ZNF41: variants seen among roughly 807,000 people sequenced by gnomAD.
ZNF41 encodes zinc finger protein 41.
Under a neutral mutation model 9.3 loss-of-function variants are expected in ZNF41, and 6 were observed. The observed-to-expected ratio is 0.65, with a 90% confidence interval of 0.35 to 1.28. The LOEUF (loss-of-function observed/expected upper bound fraction) is 1.28. Among genes scored for constraint, ZNF41 ranks in the 50% most tolerant of loss-of-function variants. The pLI, the probability that ZNF41 is intolerant of heterozygous loss-of-function variation, is 0.03. For missense variants in ZNF41, 523 were observed against 585.8 expected (o/e 0.89, Z 1.11); for synonymous variants, 192 against 207.1 (o/e 0.93, Z 0.63).
Position 47,447,475 on chromosome X carries a change from G to A in ZNF41, c.2295C>T (p.His765=), listed in dbSNP as rs1262073163. 2 of 1,209,513 alleles carry A rather than the reference G, an allele frequency of 1.7e-6. No homozygotes were observed. Among genetic ancestry groups the A allele is most frequent in the African/African-American group, 1.7e-5 (1 of 57,145 alleles). The change falls in exon 5 of 5, where the codon CAC becomes CAT. Residue 765 remains histidine (H), a synonymous_variant. Transcript: ENST00000684689. ...AFTDRSNLIK[H]QKMHSGEKRY... is the part of the protein sequence containing the mutation. ...GTTTTTCTCCACTATGCATTTTCTG[G>A]TGTTTAATGAGATTCGATCTGTCAG...
At chrX:47,476,118 C>T (rs1425177003) in intron 1 of ZNF41, among the ~76,000 whole-genome samples, 3 of 110,865 alleles carry the variant, frequency 2.7e-5, no homozygotes, top group African/African-American at 9.8e-5. Context: ...TTTGGGAGGT[C>T]GAGGCAGGCG....
At chrX:47,460,128 G>A (rs987533555) in intron 2 of ZNF41, among the ~76,000 whole-genome samples, 15 of 110,994 alleles carry the variant, frequency 1.4e-4, no homozygotes, top group African/African-American at 4.9e-4. Context: ...TAGCTGAGTG[G>A]GGTGGCAAGC....
chrX:47,456,376 AC>A lies in ZNF41; in HGVS notation c.94del (p.Val32Ter). 1 of 1,211,608 alleles carries A rather than the reference AC, an allele frequency of 8.3e-7. No homozygotes were observed. The highest frequency in any genetic ancestry group is 1.1e-6 in the Non-Finnish European group (1 of 895,425). ...SCEASVSFED[V>X]TVDFSKEEWQ... ...CTCCTCCTTGCTGAAGTCCACAGTC[AC>A]GTCCTCAAATGACACTGAAGCCTGT... On this transcript the variant is annotated frameshift_variant, in exon 3 of 5. Coordinates refer to ENST00000684689, the MANE Select transcript of ZNF41 (RefSeq NM_001324144.2). LOFTEE classifies it high-confidence loss of function.
chrX:47,447,702 G>A lies in ZNF41; in HGVS notation c.2068C>T (p.Pro690Ser). 2.5e-6 allele frequency: 3 copies of A among 1,211,507 alleles called. No individual in the cohort carries two copies. The Admixed American group carries it at 6.5e-5, about 26-fold the overall frequency. Residue 690 changes from proline (P) to serine (S), a missense_variant, in exon 5 of 5, where the codon CCC becomes TCC. Coordinates refer to ENST00000684689, the MANE Select transcript of ZNF41 (RefSeq NM_001324144.2). Reference sequence around the variant, plus strand: ...TTCCCGCAGTCACCACATTCATAGGGTTTCTCCCTAGTGTGGATTTTCTGA... The same window carrying A: ...TTCCCGCAGTCACCACATTCATAGGATTTCTCCCTAGTGTGGATTTTCTGA... ...THQKIHTREKPYECGDCGKTF... is the reference protein window; with the variant it reads ...THQKIHTREKSYECGDCGKTF...
rs1415320671 is a variant in ZNF41, at chrX:47,448,557, G to T, written c.1213C>A (p.His405Asn). The T allele has an allele frequency of 1.7e-6, 2 of 1,211,873 alleles. No individual in the cohort carries two copies. The highest frequency in any genetic ancestry group is 2.2e-6 in the Non-Finnish European group (2 of 895,595). ...CATTCATAGTGTTTCTCTCCGGTAT[G>T]AGTTTTCTGATGTATACTGAGGTCT... The part of the protein sequence containing the change: ...NSDLSIHQKT[H>N]TGEKHYECNE... Residue 405 changes from histidine to asparagine, a missense_variant, in exon 5 of 5, where the codon CAT becomes AAT. His to Asn is a moderately conservative substitution (Grantham distance 68). Coordinates refer to ENST00000684689, the MANE Select transcript of ZNF41 (RefSeq NM_001324144.2).
chrX:47,460,031 T>C (rs1247509392), intron 2 of ZNF41, among the ~76,000 whole-genome samples: 3 of 110,904 alleles, frequency 2.7e-5, no homozygotes, highest in Non-Finnish European at 5.7e-5. Context: ...GGAGGATTGC[T>C]TGAGTCCAGG....
intron 2 of ZNF41, among the ~76,000 whole-genome samples, chrX:47,461,462 G>C (rs1295598706): frequency 4.6e-5 from 5 of 108,814 alleles, no homozygotes; most frequent in Non-Finnish European, 9.5e-5. Flanking sequence ...CCAGGCTGGA[G>C]TGCAGTGGTG....
rs1403688982 is a variant in ZNF41 at position 47,456,373 on chromosome X, G to A, written c.98C>T (p.Thr33Ile). 8.3e-7 allele frequency: 1 copy of A among 1,211,626 alleles called. No homozygotes were observed. Among genetic ancestry groups the A allele is most frequent in the Non-Finnish European group, 1.1e-6 (1 of 895,466 alleles). The stretch of plus-strand genomic sequence containing the variant: ...CCACTCCTCCTTGCTGAAGTCCACA[G>A]TCACGTCCTCAAATGACACTGAAGC... ...CEASVSFEDVTVDFSKEEWQH... is the reference protein window; with the variant it reads ...CEASVSFEDVIVDFSKEEWQH... Residue 33 changes from threonine (T) to isoleucine (I), a missense_variant, in exon 3 of 5, where the codon ACT (threonine) becomes ATT (isoleucine). Coordinates refer to ENST00000684689, the MANE Select transcript of ZNF41 (RefSeq NM_001324144.2).
chrX:47,479,870 G>A (rs190896835), intron 1 of ZNF41, among the ~76,000 whole-genome samples: 1 of 111,798 alleles, frequency 8.9e-6, no homozygotes, highest in African/African-American at 3.2e-5. Context: ...GCCGAGGCAC[G>A]CAGATCACGA....
intron 4 of ZNF41, among the ~76,000 whole-genome samples, chrX:47,450,315 G>T (rs1171626973): frequency 9.0e-6 from 1 of 110,803 alleles, no homozygotes; most frequent in Non-Finnish European, 1.9e-5. Context: ...GGTTCAAGTG[G>T]TTCGCCTGCT....
intron 2 of ZNF41, among the ~76,000 whole-genome samples, chrX:47,457,216 C>G (rs2056597716): frequency 9.0e-6 from 1 of 110,626 alleles, no homozygotes; most frequent in African/African-American, 3.3e-5. Context: ...TCGAGACCAG[C>G]CTGACCAATA....
chrX:47,451,404 C>T (rs766923188), intron 4 of ZNF41, among the ~76,000 whole-genome samples: 5 of 112,314 alleles, frequency 4.5e-5, no homozygotes, highest in Non-Finnish European at 9.4e-5. Context: ...TCAACAAAAA[C>T]GGATCTGGCC....
rs1196989655 is a variant in ZNF41, at chrX:47,447,106, G to A, written c.*324C>T. On this transcript the variant is annotated 3_prime_UTR_variant, in exon 5 of 5. Transcript: ENST00000684689. ...CAAAAAGTGAAGCATAAGAGATGACGAGTCATCTCCTCAGGTCTTAATTCT... is the reference window on the plus strand; with the variant it reads ...CAAAAAGTGAAGCATAAGAGATGACAAGTCATCTCCTCAGGTCTTAATTCT... 2 of 271,504 alleles carry A rather than the reference G, an allele frequency of 7.4e-6. No individual in the cohort carries two copies. The highest frequency in any genetic ancestry group is 1.3e-5 in the Non-Finnish European group (2 of 153,154). 22.4% of individuals were successfully genotyped at this position (271,504 alleles called of 1,213,427 possible).
intron 2 of ZNF41, among the ~76,000 whole-genome samples, chrX:47,465,630 A>G (rs1272331736): frequency 9.0e-6 from 1 of 110,503 alleles, no homozygotes; most frequent in Non-Finnish European, 1.9e-5. Context: ...CCAAGGCAGG[A>G]AGATCACTTG....
In ZNF41 at chrX:47,449,325, C is replaced by T. The variant is rs865929146; in HGVS notation, c.445G>A (p.Glu149Lys). Residue 149 changes from glutamate (E) to lysine (K), a missense_variant, in exon 5 of 5, where the codon GAA (glutamate) becomes AAA (lysine). By Grantham distance (56) the Glu-to-Lys change is moderately conservative. Coordinates refer to ENST00000684689, the MANE Select transcript of ZNF41 (RefSeq NM_001324144.2). ...TGACTTAAAAGGTTATTCTGGTTTTCCTGACGTTGCTCTAGCTGGTCATTA... is the reference window on the plus strand; with the variant it reads ...TGACTTAAAAGGTTATTCTGGTTTTTCTGACGTTGCTCTAGCTGGTCATTA... ...QDNDQLEQRQ[E>K]NQNNLLSHVK... 1 of 1,211,184 alleles carries T rather than the reference C, an allele frequency of 8.3e-7. No homozygotes were observed. Among genetic ancestry groups the T allele is most frequent in the Non-Finnish European group, 1.1e-6 (1 of 895,393 alleles).
chrX:47,482,073 G>A (rs901332733), intron 1 of ZNF41, among the ~76,000 whole-genome samples: 1 of 109,024 alleles, frequency 9.2e-6, no homozygotes, highest in Non-Finnish European at 1.9e-5. Flanking sequence ...CAGACCTCCA[G>A]TAGTCACCCC....
In ZNF41 at chrX:47,447,908, T is replaced by C; in HGVS notation, c.1862A>G (p.His621Arg). The C allele has an allele frequency of 8.3e-7, 1 of 1,211,536 alleles. No homozygotes were observed. Among genetic ancestry groups the C allele is most frequent in the Non-Finnish European group, 1.1e-6 (1 of 895,468 alleles). ...ECGKAFIQKSHFIAHHRIHTG... is the reference protein window; with the variant it reads ...ECGKAFIQKSRFIAHHRIHTG... Reference sequence around the variant, plus strand: ...ATGGATTCTATGATGCGCAATGAAGTGCGATTTCTGGATAAAGGCCTTCCC... The same window carrying C: ...ATGGATTCTATGATGCGCAATGAAGCGCGATTTCTGGATAAAGGCCTTCCC... The change falls in exon 5 of 5, where the codon CAC becomes CGC. Residue 621 changes from histidine to arginine, a missense_variant. By Grantham distance (29) the His-to-Arg change is conservative. Coordinates refer to ENST00000684689, the MANE Select transcript of ZNF41 (RefSeq NM_001324144.2).
chrX:47,451,001 C>T (rs1291640139), intron 4 of ZNF41, among the ~76,000 whole-genome samples: 2 of 112,255 alleles, frequency 1.8e-5, no homozygotes, highest in Non-Finnish European at 3.8e-5. Context: ...AATGTATTGT[C>T]TTTCTAAATA....
chrX:47,455,852 C>T, intron 4 of ZNF41, 69 bp downstream of exon 4: 1 of 997,002 alleles, frequency 1.0e-6, no homozygotes, highest in Non-Finnish European at 1.4e-6. Flanking sequence ...GTTTCAAAGG[C>T]ATCGGGCTTT....
Sources: gnomAD v4.1 joint callset for allele counts (sites outside exome capture counted in the v4.1 genomes callset) on GRCh38, gnomAD v4.1.1 for gene constraint, MANE v1.5 for transcripts, NCBI Gene and HGNC (gene_info 2026-07-23, HGNC 2026-07-21) for gene names.